Variants in AGBL1 observed in about 807,000 individuals in gnomAD.
AGBL1 encodes AGBL carboxypeptidase 1, also known as cytosolic carboxypeptidase 4.
In AGBL1, 130 loss-of-function variants were observed where a neutral mutation model predicts 118.9. That is an observed-to-expected ratio of 1.09 (90% CI 0.95 to 1.26). AGBL1 has a LOEUF of 1.26. Among genes scored for constraint, AGBL1 ranks in the 50% most tolerant of loss-of-function variants. The pLI, the probability that AGBL1 is intolerant of heterozygous loss-of-function variation, is 0.00. For synonymous variants in AGBL1, 555 were observed against 478.9 expected, an observed-to-expected ratio of 1.16 and a Z score of -2.08; for missense variants, 1,584 against 1,298.1, an observed-to-expected ratio of 1.22 and a Z score of -3.38.
At chr15:86,849,517 C>CTTTTTTTTTT (rs68185029) in intron 22 of AGBL1, among the ~76,000 whole-genome samples, 222 of 136,638 alleles carry the variant, frequency 1.6e-3, no homozygotes, top group Middle Eastern at 3.8e-3. Context: ...TTCTTTCTTT[C>CTTTTTTTTTT]TTTTTTTTTT....
At chr15:86,650,004 A>G (rs1441996316) in intron 21 of AGBL1, among the ~76,000 whole-genome samples, 1 of 152,240 alleles carries the variant, frequency 6.6e-6, no homozygotes, top group Non-Finnish European at 1.5e-5. Context: ...AGGACCAAAA[A>G]AAATTGGGAT....
chr15:86,901,672 T>G (rs1366473246), intron 22 of AGBL1, among the ~76,000 whole-genome samples: 1 of 152,152 alleles, frequency 6.6e-6, no homozygotes, highest in Non-Finnish European at 1.5e-5. Flanking sequence ...CTAGTTACAT[T>G]TCAAACAATT....
rs138784472 is a variant in AGBL1, at chr15:86,084,231, G to A, written c.51+4208G>A. On this transcript the variant is annotated intron_variant, in intron 1 of 22. Coordinates refer to ENST00000614907, the MANE Select transcript of AGBL1 (RefSeq NM_001386094.1). ...GAAGGGATGATGACAGTGTGTAGGC[G>A]TATGCTGAGCTTTAAGTGGGGAGAA... 2.0e-3 allele frequency among the ~76,000 whole-genome samples: 309 copies of A among 152,330 alleles called. 1 individual carries two copies. The highest frequency in any genetic ancestry group is 3.9e-3 in the African/African-American group (162 of 41,574).
At chr15:86,737,248 C>A (rs771508396) in intron 22 of AGBL1, among the ~76,000 whole-genome samples, 1 of 152,028 alleles carries the variant, frequency 6.6e-6, no homozygotes, top group Non-Finnish European at 1.5e-5. Flanking sequence ...GAAAATTTCA[C>A]GGAGGAGGTG....
At chr15:86,433,876 G>A (rs751313518) in intron 18 of AGBL1, among the ~76,000 whole-genome samples, 1 of 152,134 alleles carries the variant, frequency 6.6e-6, no homozygotes, top group African/African-American at 2.4e-5. Flanking sequence ...TTTCTAACTG[G>A]AATGTGTCCC....
intron 18 of AGBL1, among the ~76,000 whole-genome samples, chr15:86,479,875 C>T (rs910668914): frequency 2.0e-5 from 3 of 151,876 alleles, no homozygotes; most frequent in Non-Finnish European, 4.4e-5. Flanking sequence ...GAAAATGTGG[C>T]ACATATACAC....
At chr15:86,202,898 G>A (rs932068236) in intron 5 of AGBL1, among the ~76,000 whole-genome samples, 1 of 152,050 alleles carries the variant, frequency 6.6e-6, no homozygotes, top group Non-Finnish European at 1.5e-5. Flanking sequence ...TAAGGAGGCT[G>A]AGGCAATTGC....
At chr15:86,352,546 A>G (rs2080644171) in intron 17 of AGBL1, among the ~76,000 whole-genome samples, 2 of 151,420 alleles carry the variant, frequency 1.3e-5, no homozygotes, top group East Asian at 1.9e-4. Flanking sequence ...CATTGGCACC[A>G]TCTCGGCTCA....
At chr15:86,794,321 A>G (rs923412113) in intron 22 of AGBL1, among the ~76,000 whole-genome samples, 2 of 152,208 alleles carry the variant, frequency 1.3e-5, no homozygotes, top group African/African-American at 2.4e-5. Flanking sequence ...CCTCAAAACC[A>G]TTATGCTAAG....
intron 5 of AGBL1, among the ~76,000 whole-genome samples, chr15:86,219,253 C>T (rs1409046802): frequency 6.6e-6 from 1 of 152,180 alleles, no homozygotes; most frequent in Non-Finnish European, 1.5e-5. Context: ...TTCCACCTTC[C>T]ATGATCCAAG....
At chr15:86,266,261 C>G (rs1326007861) in intron 11 of AGBL1, 113 bp from the exon 12 acceptor site, 2 of 650,492 alleles carry the variant, frequency 3.1e-6, no homozygotes, top group Non-Finnish European at 5.2e-6. Flanking sequence ...TTAAACTTCT[C>G]TGTGCTTTCA....
intron 24 of AGBL1, among the ~76,000 whole-genome samples, chr15:87,000,068 G>A (rs2081420920): frequency 1.1e-5 from 1 of 89,174 alleles, no homozygotes. Flanking sequence ...ACTTTTTGAT[G>A]GGGTTGTTTG....
chr15:86,125,756 C>T (rs1446967793), intron 1 of AGBL1, among the ~76,000 whole-genome samples: 1 of 152,176 alleles, frequency 6.6e-6, no homozygotes, highest in Admixed American at 6.5e-5. Context: ...GGATCAAAGT[C>T]AAAAACAACT....
chr15:86,302,318 AAT>A (rs1486229164), intron 17 of AGBL1, among the ~76,000 whole-genome samples: 10 of 152,178 alleles, frequency 6.6e-5, no homozygotes, highest in Non-Finnish European at 1.5e-4. Flanking sequence ...GAAAGACAGT[AAT>A]TATTACACCT....
chr15:86,197,150 C>T (rs7175840), intron 5 of AGBL1, among the ~76,000 whole-genome samples: 59,746 of 151,932 alleles, frequency 0.39, 12,161 homozygotes, highest in South Asian at 0.51. Flanking sequence ...CCTAAAAATG[C>T]AGAAGCAGCT....
At chr15:86,944,190 G>A (rs2141659108) in intron 23 of AGBL1, among the ~76,000 whole-genome samples, 2 of 152,074 alleles carry the variant, frequency 1.3e-5, no homozygotes, top group South Asian at 4.2e-4. Context: ...GACCAACATG[G>A]AGAAACTCTG....
chr15:86,345,049 G>A (rs1047521505), intron 17 of AGBL1, among the ~76,000 whole-genome samples: 1 of 151,982 alleles, frequency 6.6e-6, no homozygotes, highest in Non-Finnish European at 1.5e-5. Flanking sequence ...TCTTTTTCAG[G>A]CACCGTTTTA....
chr15:86,992,893 G>A (rs372355370), intron 24 of AGBL1, among the ~76,000 whole-genome samples: 2 of 152,056 alleles, frequency 1.3e-5, no homozygotes, highest in African/African-American at 2.4e-5. Flanking sequence ...TTCCTTACGG[G>A]TGACTGTTTT....
At chr15:86,241,250 T>C (rs1181488973) in intron 6 of AGBL1, among the ~76,000 whole-genome samples, 1 of 152,204 alleles carries the variant, frequency 6.6e-6, no homozygotes, top group Non-Finnish European at 1.5e-5. Context: ...TTGGCTCTGC[T>C]CATTGGTGAA....
Sources: allele counts gnomAD v4.1 joint callset (sites outside exome capture counted in the v4.1 genomes callset), GRCh38; gene constraint gnomAD v4.1.1; transcripts MANE v1.5; gene names NCBI Gene and HGNC (gene_info 2026-07-23, HGNC 2026-07-21).